Variants in CDH10 observed in about 807,000 individuals in gnomAD.
CDH10 encodes cadherin-10.
A neutral mutation model predicts 73.1 loss-of-function variants in CDH10; 30 were observed. The ratio of observed to expected loss-of-function variants is 0.41; its 90% confidence interval spans 0.31 to 0.56. CDH10 has a LOEUF of 0.56. Ranked by LOEUF, CDH10 falls within the 20% of genes least tolerant of loss-of-function variation. The pLI, the probability that CDH10 is intolerant of heterozygous loss-of-function variation, is 0.27. For synonymous variants in CDH10, 345 were observed against 348.2 expected (o/e 0.99, Z 0.10); for missense variants, 815 against 973.7 (o/e 0.84, Z 2.17).
At chr5:24,557,710 A>G (rs143062264) in intron 2 of CDH10, among the ~76,000 whole-genome samples, 10 of 151,952 alleles carry the variant, frequency 6.6e-5, no homozygotes, top group African/African-American at 1.7e-4. Context: ...TGTGTCTAAT[A>G]TAAGAGTAAA....
At chr5:24,627,527 G>C (rs1747552100) in intron 1 of CDH10, among the ~76,000 whole-genome samples, 2 of 152,096 alleles carry the variant, frequency 1.3e-5, no homozygotes, top group Admixed American at 1.3e-4. Flanking sequence ...GAGGAGCAGG[G>C]ACCATATTAT....
intron 5 of CDH10, among the ~76,000 whole-genome samples, chr5:24,527,784 C>A (rs965514598): frequency 1.3e-5 from 2 of 151,514 alleles, no homozygotes; most frequent in Non-Finnish European, 3.0e-5. Flanking sequence ...TGTATAGTTA[C>A]AAAAGCAAGC....
chr5:24,490,731 T>G (rs1320131654), intron 11 of CDH10, among the ~76,000 whole-genome samples: 5 of 152,184 alleles, frequency 3.3e-5, no homozygotes, highest in Non-Finnish European at 5.9e-5. Context: ...CATAAAAATA[T>G]TGCTACAATT....
chr5:24,550,212 T>A (rs990259721), intron 2 of CDH10, among the ~76,000 whole-genome samples: 5 of 152,198 alleles, frequency 3.3e-5, no homozygotes, highest in Admixed American at 2.0e-4. Context: ...ATTCTAAATT[T>A]CAACCAGTGT....
chr5:24,617,934 C>T (rs1747178494), intron 1 of CDH10, among the ~76,000 whole-genome samples: 1 of 152,178 alleles, frequency 6.6e-6, no homozygotes, highest in Non-Finnish European at 1.5e-5. Flanking sequence ...TCTTAGCAAT[C>T]AGTCTGTTCC....
intron 2 of CDH10, among the ~76,000 whole-genome samples, chr5:24,565,677 A>G (rs191489203): frequency 2.6e-5 from 4 of 152,236 alleles, no homozygotes; most frequent in African/African-American, 9.6e-5. Context: ...ATGAGGTCCT[A>G]AGAGTGGGAC....
intron 1 of CDH10, among the ~76,000 whole-genome samples, chr5:24,597,524 T>C (rs1038999902): frequency 1.3e-5 from 2 of 152,110 alleles, no homozygotes; most frequent in East Asian, 1.9e-4. Context: ...AAGGCCTTTT[T>C]CCACGTTTTT....
intron 1 of CDH10, among the ~76,000 whole-genome samples, chr5:24,594,750 C>T (rs146349149): frequency 6.6e-6 from 1 of 152,048 alleles, no homozygotes; most frequent in East Asian, 1.9e-4. Context: ...TTTAAAACCA[C>T]CCCTGACATT....
intron 5 of CDH10, among the ~76,000 whole-genome samples, chr5:24,534,776 T>C (rs765251155): frequency 1.3e-5 from 2 of 152,106 alleles, no homozygotes; most frequent in Non-Finnish European, 2.9e-5. Flanking sequence ...TATTGTAAAA[T>C]TATGACTTTG....
intron 4 of CDH10, 121 bp downstream of exon 4, chr5:24,535,582 G>A (rs748583792): frequency 5.8e-6 from 5 of 856,062 alleles, no homozygotes; most frequent in East Asian, 2.5e-5. Context: ...TTTAAGTGTT[G>A]TGTCTTCACT....
At chr5:24,517,170 T>C (rs910572053) in intron 5 of CDH10, among the ~76,000 whole-genome samples, 26 of 152,150 alleles carry the variant, frequency 1.7e-4, no homozygotes, top group African/African-American at 6.3e-4. Flanking sequence ...AGTATTTACA[T>C]AGCAACACTA....
chr5:24,553,750 AATCCCCATCAAG>A (rs1744639390), intron 2 of CDH10, among the ~76,000 whole-genome samples: 2 of 152,130 alleles, frequency 1.3e-5, no homozygotes, highest in Admixed American at 1.3e-4. Flanking sequence ...CCTCCTATTG[AATCCCCATCAAG>A]ATGTGGAACC....
Position 24,510,141 on chromosome 5 carries a change from C to T in CDH10, c.1003-322G>A, listed in dbSNP as rs3797169. The stretch of plus-strand genomic sequence containing the variant: ...GGCTAATGGATGTTGCATGTGTTTG[C>T]GTGTGAATGTGCACGTGCAAAGGTG... On this transcript the variant is annotated intron_variant, in intron 6 of 11. Transcript: ENST00000264463. Among the ~76,000 whole-genome samples the T allele has an allele frequency of 9.7e-3, 1,473 of 152,064 alleles. 20 individuals carry two copies. Among genetic ancestry groups the T allele is most frequent in the African/African-American group, 0.033 (1,369 of 41,464 alleles).
At chr5:24,575,291 G>A (rs886497339) in intron 2 of CDH10, among the ~76,000 whole-genome samples, 1 of 142,680 alleles carries the variant, frequency 7.0e-6, no homozygotes, top group Admixed American at 7.1e-5. Flanking sequence ...GAACCCGGGA[G>A]GCAGAGGTTG....
At chr5:24,546,184 T>C (rs761746766) in intron 2 of CDH10, among the ~76,000 whole-genome samples, 8 of 150,564 alleles carry the variant, frequency 5.3e-5, no homozygotes, top group Non-Finnish European at 1.0e-4. Context: ...AAAAAACTTG[T>C]GTGTGTGTGT....
At chr5:24,584,473 T>TGAGA (rs1434416598) in intron 2 of CDH10, among the ~76,000 whole-genome samples, 45 of 109,998 alleles carry the variant, frequency 4.1e-4, no homozygotes, top group Non-Finnish European at 5.8e-4. Flanking sequence ...TTTGTGTGTG[T>TGAGA]GTGAGAGAGA....
At chr5:24,561,353 T>C (rs1744954687) in intron 2 of CDH10, among the ~76,000 whole-genome samples, 1 of 151,556 alleles carries the variant, frequency 6.6e-6, no homozygotes, top group Non-Finnish European at 1.5e-5. Flanking sequence ...TCAAGACAAA[T>C]AAAATTAAAA....
intron 1 of CDH10, among the ~76,000 whole-genome samples, chr5:24,595,355 G>A (rs1746337348): frequency 6.6e-6 from 1 of 151,844 alleles, no homozygotes; most frequent in African/African-American, 2.4e-5. Context: ...TAATATAAAT[G>A]TTTCAAAGAA....
rs193093602 is a variant in CDH10 at position 24,609,571 on chromosome 5, T to A, written c.-123-15958A>T. Among the ~76,000 whole-genome samples, 697 of 152,246 alleles carry A rather than the reference T, an allele frequency of 4.6e-3. 3 individuals carry two copies. Among genetic ancestry groups the A allele is most frequent in the South Asian group, 9.3e-3 (45 of 4,828 alleles). On this transcript the variant is annotated intron_variant, in intron 1 of 11. Coordinates refer to ENST00000264463, the MANE Select transcript of CDH10 (RefSeq NM_006727.5). Reference sequence around the variant, plus strand: ...AATATGTTAAGACAACCACACTGCATCAGATGCCAGCACAACTCTGAAAGT... The same window carrying A: ...AATATGTTAAGACAACCACACTGCAACAGATGCCAGCACAACTCTGAAAGT...
Sources: allele counts gnomAD v4.1 joint callset (sites outside exome capture counted in the v4.1 genomes callset), GRCh38; gene constraint gnomAD v4.1.1; transcripts MANE v1.5; gene names NCBI Gene and HGNC (gene_info 2026-07-23, HGNC 2026-07-21).